ARFGEF3: variants seen among roughly 807,000 people sequenced by gnomAD.
The protein encoded by ARFGEF3 is ARFGEF family member 3, also known as brefeldin A-inhibited guanine nucleotide-exchange protein 3.
A neutral mutation model predicts 221.7 loss-of-function variants in ARFGEF3; 96 were observed. The observed-to-expected ratio is 0.43, with a 90% CI of 0.37 to 0.51. The LOEUF (loss-of-function observed/expected upper bound fraction) is 0.51, where lower values mean the gene tolerates loss of function less well. Ranked by LOEUF, ARFGEF3 falls within the 20% of genes least tolerant of loss-of-function variation. The pLI, the probability that ARFGEF3 is intolerant of heterozygous loss-of-function variation, is 0.00. For missense variants in ARFGEF3, 2,410 were observed against 2,789.9 expected (o/e 0.86, Z 3.07); for synonymous variants, 1,145 against 1,126.8 (o/e 1.02, Z -0.32).
At chr6:138,332,159 T>C (rs527450072) in intron 32 of ARFGEF3, among the ~76,000 whole-genome samples, 171 of 152,304 alleles carry the variant, frequency 1.1e-3, no homozygotes, top group African/African-American at 3.8e-3. Flanking sequence ...ACCAGACTGA[T>C]TAAACTCACC....
In ARFGEF3 at chr6:138,334,426, A is replaced by G. The variant is rs773040071; in HGVS notation, c.5580A>G (p.Glu1860=). Residue 1860 remains glutamate (E), a synonymous_variant, in exon 33 of 34, where the codon GAA becomes GAG. Transcript: ENST00000251691. The surrounding 1 kb of genome is among the most constrained non-coding windows in gnomAD (Gnocchi z 5.1). ...DSSQQCSSED[E]DIFEETAQVS... ...CCCAGCAGTGTTCATCTGAGGATGA[A>G]GACATCTTTGAGGAAACCGCCCAGG... The G allele has an allele frequency of 6.8e-6, 11 of 1,612,004 alleles. No individual in the cohort carries two copies. Among genetic ancestry groups the G allele is most frequent in the Non-Finnish European group, 9.3e-6 (11 of 1,179,184 alleles).
chr6:138,298,808 C>T (rs767532992), intron 22 of ARFGEF3, 23 bp downstream of exon 22: 31 of 1,593,474 alleles, frequency 1.9e-5, no homozygotes, highest in South Asian at 2.3e-5. Context: ...TGGTCATCAG[C>T]GTCATAGCTG....
In ARFGEF3 at chr6:138,317,376, C is replaced by T; in HGVS notation, c.4471C>T (p.Pro1491Ser). ...GCTGTTGAGAGATGTGACGAAAACA[C>T]CAGGTAAATATTTCTGTGTCCGTCT... is the stretch of plus-strand genomic sequence containing the variant. ...FELLRDVTKT[P>S]GPGFGIYAVV... The change falls in exon 27 of 34, where the codon CCA (proline) becomes TCA (serine). Residue 1491 changes from proline to serine, a missense_variant. By Grantham distance (74) the Pro-to-Ser change is moderately conservative (BLOSUM62 -1). Coordinates refer to ENST00000251691, the MANE Select transcript of ARFGEF3 (RefSeq NM_020340.5). 1 of 1,613,888 alleles carries T rather than the reference C, an allele frequency of 6.2e-7. No homozygotes were observed. The highest frequency in any genetic ancestry group is 8.5e-7 in the Non-Finnish European group (1 of 1,179,856).
At chr6:138,209,269 C>CG (rs1179628324) in intron 3 of ARFGEF3, among the ~76,000 whole-genome samples, 85 of 152,236 alleles carry the variant, frequency 5.6e-4, no homozygotes, top group African/African-American at 1.9e-3. Flanking sequence ...ATTTAGAAAG[C>CG]ATATGTGTGT....
At chr6:138,319,172 A>G (rs988895616) in intron 27 of ARFGEF3, among the ~76,000 whole-genome samples, 8 of 148,344 alleles carry the variant, frequency 5.4e-5, no homozygotes, top group Admixed American at 6.7e-5. Flanking sequence ...AGCTAGTCTT[A>G]AACTACTGGG....
intron 14 of ARFGEF3, 53 bp downstream of exon 14, chr6:138,280,217 C>T (rs542346231): frequency 2.5e-5 from 39 of 1,553,834 alleles, no homozygotes; most frequent in African/African-American, 2.3e-4. Flanking sequence ...GGACGGCTCA[C>T]GCTTTAAAGC....
At chr6:138,303,879 A>AAAT (rs1779670835) in intron 22 of ARFGEF3, among the ~76,000 whole-genome samples, 1 of 150,658 alleles carries the variant, frequency 6.6e-6, no homozygotes, top group Non-Finnish European at 1.5e-5. Flanking sequence ...AAAAAAAAAA[A>AAAT]AAAAAAAAAG....
At chr6:138,199,779 A>T (rs1777499259) in intron 2 of ARFGEF3, among the ~76,000 whole-genome samples, 1 of 152,202 alleles carries the variant, frequency 6.6e-6, no homozygotes, top group Non-Finnish European at 1.5e-5. Flanking sequence ...TTTCTGGAGG[A>T]GTCCTTAGGG....
rs56283991 is a variant in ARFGEF3, at chr6:138,319,118, A to ATTT, written c.4475-570_4475-568dup. ...ACCAGCACTCCACAATGCCCAGCTA[A>ATTT]TTTTTTTTTTTTTTTTTGAGAAGGG... is the stretch of plus-strand genomic sequence containing the variant. On this transcript the variant is annotated intron_variant, in intron 27 of 33. Coordinates refer to ENST00000251691, the MANE Select transcript of ARFGEF3 (RefSeq NM_020340.5). Among the ~76,000 whole-genome samples the ATTT allele has an allele frequency of 1.7e-3, 239 of 139,766 alleles. 1 individual carries two copies. The highest frequency in any genetic ancestry group is 5.9e-3 in the African/African-American group (226 of 38,062). The allele number at this position is 139,766 out of a possible 152,430, so 91.7% of individuals were successfully genotyped here. A position where few individuals can be genotyped will look rare whatever the true frequency, so the allele number is the denominator to read the frequency against.
chr6:138,262,963 G>C lies in ARFGEF3; in HGVS notation c.1480G>C (p.Glu494Gln), dbSNP rs183989941. The change falls in exon 12 of 34, where the codon GAG (glutamate) becomes CAG (glutamine). Residue 494 changes from glutamate (E) to glutamine (Q), a missense_variant. This residue lies in a region of ARFGEF3 where 594 missense variants were observed against 734.3 expected (regional missense o/e 0.81). Coordinates refer to ENST00000251691, the MANE Select transcript of ARFGEF3 (RefSeq NM_020340.5). ...RVLSSEHTPWESGNERSLDIS... is the reference protein window; with the variant it reads ...RVLSSEHTPWQSGNERSLDIS... The stretch of plus-strand genomic sequence containing the variant: ...GCTGTCCTCAGAACACACGCCGTGG[G>C]AGTCAGGGAACGAGAGGAGCCTTGA... 1.9e-5 allele frequency: 30 copies of C among 1,600,098 alleles called. No homozygotes were observed. The Admixed American group carries it at 4.9e-4, about 26-fold the overall frequency.
Position 138,324,090 on chromosome 6 carries a change from C to T in ARFGEF3, c.4937C>T (p.Ala1646Val), listed in dbSNP as rs768364928. ...GGGGAAGGCTGCCAGGTGCGAGTGG[C>T]GGCCCCGTCCTCCTCCCCAAGTGCC... is the stretch of plus-strand genomic sequence containing the variant. ...FSGEGCQVRV[A>V]APSSSPSAEA... Residue 1646 changes from alanine to valine, a missense_variant, in exon 31 of 34, where the codon GCG becomes GTG. Transcript: ENST00000251691. 14 of 1,613,742 alleles carry T rather than the reference C, an allele frequency of 8.7e-6. No individual in the cohort carries two copies. The highest frequency in any genetic ancestry group is 6.7e-5 in the Admixed American group (4 of 60,002).
Position 138,340,382 on chromosome 6 carries a change from C to T in ARFGEF3, c.*3896C>T, listed in dbSNP as rs1255441025. 1 of 152,150 alleles carries T rather than the reference C, an allele frequency of 6.6e-6. No individual in the cohort carries two copies. Among genetic ancestry groups the T allele is most frequent in the Non-Finnish European group, 1.5e-5 (1 of 68,034 alleles). The allele number at this position is 152,150 out of a possible 1,614,324, so 9.4% of individuals were successfully genotyped here. Reference sequence around the variant, plus strand: ...ACAGAGTGAGTTGAGAGTCAAGTAGCCTTCGCTGTGAGACGGTAATGCAGT... The same window carrying T: ...ACAGAGTGAGTTGAGAGTCAAGTAGTCTTCGCTGTGAGACGGTAATGCAGT... On this transcript the variant is annotated 3_prime_UTR_variant, in exon 34 of 34. Transcript: ENST00000251691.
At chr6:138,226,881 TAATAC>T (rs1778094127) in intron 4 of ARFGEF3, among the ~76,000 whole-genome samples, 1 of 152,170 alleles carries the variant, frequency 6.6e-6, no homozygotes, top group South Asian at 2.1e-4. Flanking sequence ...GCTCTGCCCT[TAATAC>T]ATCTTGTGAG....
chr6:138,223,805 G>T (rs1180935252), intron 4 of ARFGEF3, among the ~76,000 whole-genome samples: 2 of 152,160 alleles, frequency 1.3e-5, no homozygotes, highest in African/African-American at 4.8e-5. Context: ...TGTATCATGT[G>T]TTGGACCATG....
In ARFGEF3 at chr6:138,334,841, C is replaced by T; in HGVS notation, c.5995C>T (p.Pro1999Ser). Reference sequence around the variant, plus strand: ...CAGCCCCAAAGTGGAGAAGAAGGATCCCAGCCGGAAGAAGGAGTGGTGGGA... The same window carrying T: ...CAGCCCCAAAGTGGAGAAGAAGGATTCCAGCCGGAAGAAGGAGTGGTGGGA... Reference protein sequence around the residue: ...PPSPKVEKKDPSRKKEWWENA... With the variant: ...PPSPKVEKKDSSRKKEWWENA... Residue 1999 changes from proline (P) to serine (S), a missense_variant, in exon 33 of 34, where the codon CCC becomes TCC. Pro to Ser is a moderately conservative substitution (Grantham distance 74, BLOSUM62 -1). Coordinates refer to ENST00000251691, the MANE Select transcript of ARFGEF3 (RefSeq NM_020340.5). This position sits in a 1 kb window ranked among gnomAD's most constrained non-coding sequence, Gnocchi z 5.1. 1.3e-6 allele frequency: 2 copies of T among 1,597,912 alleles called. No homozygotes were observed. The highest frequency in any genetic ancestry group is 1.7e-6 in the Non-Finnish European group (2 of 1,172,678).
intron 8 of ARFGEF3, among the ~76,000 whole-genome samples, chr6:138,253,436 T>C (rs1309608996): frequency 6.6e-6 from 1 of 152,202 alleles, no homozygotes; most frequent in Non-Finnish European, 1.5e-5. Flanking sequence ...ACATTCAAGA[T>C]CAAGGCGTCA....
chr6:138,332,234 C>G (rs958373965), intron 32 of ARFGEF3, among the ~76,000 whole-genome samples: 1 of 152,130 alleles, frequency 6.6e-6, no homozygotes, highest in Non-Finnish European at 1.5e-5. Flanking sequence ...ATGTCAGAAC[C>G]ATTTCTCAGG....
At chr6:138,264,282 A>AAG (rs1330825260) in intron 12 of ARFGEF3, among the ~76,000 whole-genome samples, 1 of 152,250 alleles carries the variant, frequency 6.6e-6, no homozygotes, top group African/African-American at 2.4e-5. Context: ...GATAAAGAAT[A>AAG]CAGGGAAGTA....
At chr6:138,163,356 A>G (rs928217070) in intron 1 of ARFGEF3, among the ~76,000 whole-genome samples, 16 of 152,214 alleles carry the variant, frequency 1.1e-4, no homozygotes, top group Non-Finnish European at 2.4e-4. Context: ...TTACTGTTAA[A>G]GAAAAATGGA....
Sources: gnomAD v4.1 joint callset for allele counts (sites outside exome capture counted in the v4.1 genomes callset) on GRCh38, gnomAD v4.1.1 for gene constraint, gnomAD v4.1.1 regional missense constraint, Gnocchi (gnomAD v3.1) non-coding constraint, MANE v1.5 for transcripts, NCBI Gene and HGNC (gene_info 2026-07-23, HGNC 2026-07-21) for gene names.